Variants in TENM1 observed in about 807,000 individuals in gnomAD.
TENM1 encodes the protein teneurin transmembrane protein 1.
Under a neutral mutation model 174.8 loss-of-function variants are expected in TENM1, and 35 were observed. The observed-to-expected ratio is 0.20, with a 90% CI of 0.15 to 0.27. The LOEUF is 0.27. TENM1 is among the 10% of genes least tolerant of loss of function. The pLI, the probability that TENM1 is intolerant of heterozygous loss-of-function variation, is 1.00. For synonymous variants in TENM1, 781 were observed against 798.7 expected, an observed-to-expected ratio of 0.98 and a Z score of 0.37; for missense variants, 1,633 against 2,130.1, an observed-to-expected ratio of 0.77 and a Z score of 4.59.
the TENM1 span, among the ~76,000 whole-genome samples, chrX:125,073,850 G>A: frequency 9.0e-6 from 1 of 111,394 alleles, no homozygotes; most frequent in African/African-American, 3.3e-5. Context: ...ATCATTGCAG[G>A]GCTGAACTGG....
chrX:125,133,698 G>T, the TENM1 span, among the ~76,000 whole-genome samples: 1 of 111,869 alleles, frequency 8.9e-6, no homozygotes, highest in Non-Finnish European at 1.9e-5. Context: ...CTTTGTCCCA[G>T]TTGAGACCAG....
chrX:125,121,158 T>A, the TENM1 span, among the ~76,000 whole-genome samples: 1 of 112,012 alleles, frequency 8.9e-6, no homozygotes, highest in South Asian at 3.7e-4. Flanking sequence ...CAGATTATTT[T>A]AAATCAAGCA....
At chrX:124,783,173 T>A (rs1008930373) in intron 3 of TENM1, among the ~76,000 whole-genome samples, 4 of 112,088 alleles carry the variant, frequency 3.6e-5, no homozygotes, top group African/African-American at 1.3e-4. Flanking sequence ...GTAGCAAATT[T>A]ATGTTAGATA....
At chrX:125,198,344 A>G in the TENM1 span, among the ~76,000 whole-genome samples, 5 of 111,805 alleles carry the variant, frequency 4.5e-5, no homozygotes, top group African/African-American at 1.3e-4. Flanking sequence ...TTTTCCTATC[A>G]TCACTAACTA....
At position 124,425,309 on chromosome X, in the gene TENM1, T is replaced by C. The variant is rs189735105; in HGVS notation, c.4105-2671A>G. Among the ~76,000 whole-genome samples, 141 of 112,673 alleles carry C rather than the reference T, an allele frequency of 1.3e-3. 1 individual carries two copies. Among genetic ancestry groups the C allele is most frequent in the Non-Finnish European group, 1.9e-3 (103 of 53,310 alleles). On this transcript the variant is annotated intron_variant, in intron 23 of 31. Coordinates refer to ENST00000422452, the Ensembl canonical transcript of TENM1. ...CATAATGGCTGTACTAATTTACATT[T>C]TCCTTTCTCTGCAACTCACCAGCAT... is the stretch of plus-strand genomic sequence containing the variant.
At chrX:125,193,412 G>C in the TENM1 span, among the ~76,000 whole-genome samples, 2 of 111,678 alleles carry the variant, frequency 1.8e-5, no homozygotes, top group Non-Finnish European at 3.8e-5. Context: ...TTAGAGATGG[G>C]GTCTTGCTAT....
At chrX:124,536,582 C>T (rs1443799221) in intron 15 of TENM1, among the ~76,000 whole-genome samples, 1 of 111,425 alleles carries the variant, frequency 9.0e-6, no homozygotes, top group East Asian at 2.8e-4. Context: ...TTGGTAATTG[C>T]TTGTCAAAAG....
chrX:124,916,063 T>C (rs1369205253), intron 1 of TENM1, among the ~76,000 whole-genome samples: 1 of 111,760 alleles, frequency 8.9e-6, no homozygotes, highest in Non-Finnish European at 1.9e-5. Flanking sequence ...AACTGCCACA[T>C]GGTGGAATGT....
chrX:125,126,943 T>C, the TENM1 span, among the ~76,000 whole-genome samples: 1 of 111,267 alleles, frequency 9.0e-6, no homozygotes, highest in Non-Finnish European at 1.9e-5. Flanking sequence ...GATTATAGGG[T>C]GTTTCAGATT....
chrX:125,153,991 T>C, the TENM1 span, among the ~76,000 whole-genome samples: 1 of 112,604 alleles, frequency 8.9e-6, no homozygotes, highest in Non-Finnish European at 1.9e-5. Flanking sequence ...TAAGCATTAG[T>C]ATTCTTAAGA....
chrX:124,511,179 A>G (rs749280442), intron 18 of TENM1, among the ~76,000 whole-genome samples: 1 of 112,226 alleles, frequency 8.9e-6, no homozygotes, highest in South Asian at 3.7e-4. Context: ...CATTTTTCAG[A>G]CACTTATTTA....
chrX:124,885,788 G>T, intron 3 of TENM1, among the ~76,000 whole-genome samples: 1 of 110,981 alleles, frequency 9.0e-6, no homozygotes, highest in Middle Eastern at 4.6e-3. Flanking sequence ...TGCCTCTGAA[G>T]TAGCCAAGAT....
intron 22 of TENM1, among the ~76,000 whole-genome samples, chrX:124,465,565 A>T (rs186328283): frequency 2.7e-5 from 3 of 111,791 alleles, no homozygotes; most frequent in Non-Finnish European, 5.7e-5. Flanking sequence ...GTTATGCCTT[A>T]TTCCTTGATC....
chrX:124,400,068 C>T (rs973835214), intron 27 of TENM1, among the ~76,000 whole-genome samples: 2 of 111,894 alleles, frequency 1.8e-5, no homozygotes, highest in Non-Finnish European at 3.8e-5. Flanking sequence ...TATAGGAAAT[C>T]TCCTGTCTCC....
chrX:124,933,593 C>T (rs1322206514), intron 1 of TENM1, among the ~76,000 whole-genome samples: 1 of 111,925 alleles, frequency 8.9e-6, no homozygotes, highest in African/African-American at 3.2e-5. Flanking sequence ...GTTAAAATTT[C>T]GACAGGCTTT....
intron 1 of TENM1, among the ~76,000 whole-genome samples, chrX:124,915,028 T>A (rs771564468): frequency 1.8e-5 from 2 of 111,826 alleles, no homozygotes; most frequent in East Asian, 5.6e-4. Context: ...TCATGACATT[T>A]GTGCATGTTG....
At chrX:124,927,620 C>T (rs907302349) in intron 1 of TENM1, among the ~76,000 whole-genome samples, 1 of 111,468 alleles carries the variant, frequency 9.0e-6, no homozygotes, top group African/African-American at 3.3e-5. Flanking sequence ...TAATCTAATA[C>T]AGTGCTTCTC....
upstream of TENM1, among the ~76,000 whole-genome samples, chrX:124,966,800 A>G (rs1426598324): frequency 8.9e-6 from 1 of 112,185 alleles, no homozygotes; most frequent in Non-Finnish European, 1.9e-5. Flanking sequence ...CTAAAACATA[A>G]GCTCCATGAA....
chrX:125,195,592 C>T, the TENM1 span, among the ~76,000 whole-genome samples: 1 of 111,560 alleles, frequency 9.0e-6, no homozygotes, highest in African/African-American at 3.3e-5. Context: ...TTCATGAATT[C>T]TAAACCAAAA....
Sources: allele counts gnomAD v4.1 joint callset (sites outside exome capture counted in the v4.1 genomes callset), GRCh38; gene constraint gnomAD v4.1.1; transcripts MANE v1.5; gene names NCBI Gene and HGNC (gene_info 2026-07-23, HGNC 2026-07-21).